The following MIER2 variants were observed in gnomAD, a reference collection of about 807,000 sequenced individuals.
MIER2 encodes the protein MIER family member 2.
Under a neutral mutation model 67.6 loss-of-function variants are expected in MIER2, and 30 were observed. That is an observed-to-expected ratio of 0.44 (90% CI 0.33 to 0.60). The LOEUF (loss-of-function observed/expected upper bound fraction) is 0.60, where lower values mean the gene tolerates loss of function less well. Among genes scored for constraint, MIER2 ranks in the 20% least tolerant of loss-of-function variants. The probability of loss-of-function intolerance (pLI) is 0.02; values close to 1 mark genes in which losing one functional copy is unlikely to be tolerated. For missense variants in MIER2, 702 were observed against 745.1 expected (o/e 0.94, Z 0.67); for synonymous variants, 372 against 312.6 (o/e 1.19, Z -2.00).
intron 4 of MIER2, 112 bp from the exon 5 acceptor site, chr19:327,368 C>T: frequency 3.8e-6 from 5 of 1,310,364 alleles, no homozygotes; most frequent in South Asian, 1.3e-5. Flanking sequence ...TCACATGGGG[C>T]TGCTATTCCC....
chr19:315,706 C>T (rs1233789899), intron 7 of MIER2, among the ~76,000 whole-genome samples: 1 of 152,190 alleles, frequency 6.6e-6, no homozygotes, highest in Non-Finnish European at 1.5e-5. Context: ...TAGGGTAGTA[C>T]AAGACAGTGA....
chr19:329,467 A>C (rs2145491949), intron 3 of MIER2, among the ~76,000 whole-genome samples: 1 of 152,302 alleles, frequency 6.6e-6, no homozygotes, highest in Admixed American at 6.5e-5. Context: ...GCTTGCACTG[A>C]TAGTGCAGCA....
In MIER2 at chr19:306,524, G is replaced by A. The variant is rs1163008475; in HGVS notation, c.*166C>T. The A allele has an allele frequency of 3.2e-6, 3 of 935,196 alleles. No individual in the cohort carries two copies. Among genetic ancestry groups the A allele is most frequent in the Middle Eastern group, 3.3e-4 (1 of 3,028 alleles). The allele number at this position is 935,196 out of a possible 1,614,324, so 57.9% of individuals were successfully genotyped here. ...CCATTCTGTGTGGACAGGGGCAAGG[G>A]CTCACGGCCCAGCCACCTCACCCCA... On this transcript the variant is annotated 3_prime_UTR_variant, in exon 14 of 14. Coordinates refer to ENST00000264819, the MANE Select transcript of MIER2 (RefSeq NM_017550.3).
chr19:337,944 T>C (rs953150019), intron 1 of MIER2, among the ~76,000 whole-genome samples: 8 of 141,428 alleles, frequency 5.7e-5, no homozygotes, highest in Non-Finnish European at 1.1e-4. Flanking sequence ...GAGGCCGAGG[T>C]GGGCAGATCA....
intron 1 of MIER2, among the ~76,000 whole-genome samples, chr19:338,501 C>G (rs146324905): frequency 1.4e-4 from 22 of 152,286 alleles, no homozygotes; most frequent in African/African-American, 4.8e-4. Flanking sequence ...GACGGCAACA[C>G]CCCCCACTGA....
chr19:318,146 G>T (rs1971340107), intron 7 of MIER2, among the ~76,000 whole-genome samples: 1 of 152,212 alleles, frequency 6.6e-6, no homozygotes, highest in South Asian at 2.1e-4. Flanking sequence ...GGAGGCTGCA[G>T]TGAGTGGATA....
At chr19:335,620 G>A (rs530732620) in intron 2 of MIER2, among the ~76,000 whole-genome samples, 43 of 152,174 alleles carry the variant, frequency 2.8e-4, no homozygotes, top group Non-Finnish European at 4.9e-4. Flanking sequence ...GCTCCTCCCC[G>A]CAGGCCCAAC....
chr19:344,190 C>T (rs1972633171), intron 1 of MIER2: 13 of 985,420 alleles, frequency 1.3e-5, no homozygotes, highest in Non-Finnish European at 1.6e-5. Flanking sequence ...CCCGGCAGAC[C>T]CACCCACCCT....
In MIER2 at chr19:307,309, G is replaced by C. The variant is rs149479560; in HGVS notation, c.1426C>G (p.Leu476Val). The change falls in exon 13 of 14, where the codon CTG becomes GTG. Residue 476 changes from leucine to valine, a missense_variant. Around this residue, in one of 3 missense-constraint regions of MIER2, gnomAD observed 254 missense variants for 262.8 expected, o/e 0.97. Coordinates refer to ENST00000264819, the MANE Select transcript of MIER2 (RefSeq NM_017550.3). ...ASPRLAVDFA[L>V]PKELPLISSH... is the part of the protein sequence containing the mutation. ...GAGATGAGGGGCAGCTCCTTGGGCAGGGCGAAGTCCACGGCCAGCCTTGGG... is the reference window on the plus strand; with the variant it reads ...GAGATGAGGGGCAGCTCCTTGGGCACGGCGAAGTCCACGGCCAGCCTTGGG... The C allele has an allele frequency of 6.2e-7, 1 of 1,600,500 alleles. No homozygotes were observed. The highest frequency in any genetic ancestry group is 8.5e-7 in the Non-Finnish European group (1 of 1,174,306).
chr19:322,210 A>C (rs2145436893), intron 7 of MIER2, among the ~76,000 whole-genome samples: 1 of 152,258 alleles, frequency 6.6e-6, no homozygotes, highest in African/African-American at 2.4e-5. Context: ...CAGCCACCAT[A>C]CACCAAAATG....
intron 7 of MIER2, among the ~76,000 whole-genome samples, chr19:314,101 C>T (rs549475426): frequency 9.2e-4 from 140 of 152,296 alleles, no homozygotes; most frequent in Non-Finnish European, 1.2e-3. Flanking sequence ...GCAGCAAGGA[C>T]GCCCCCGACT....
rs1286057186 is a variant in MIER2 at position 308,704 on chromosome 19, C to G, written c.1110-39G>C. On this transcript the variant is annotated intron_variant, in intron 11 of 13. Coordinates refer to ENST00000264819, the MANE Select transcript of MIER2 (RefSeq NM_017550.3). This position sits in a 1 kb window ranked among gnomAD's most constrained non-coding sequence, Gnocchi z 9.1. ...GCGCCATGAGGGGCGGCAGACAGGA[C>G]AGACGCCCCCACCCAAGAGGTGCCG... The G allele has an allele frequency of 6.3e-7, 1 of 1,595,502 alleles. No homozygotes were observed. Among genetic ancestry groups the G allele is most frequent in the East Asian group, 2.3e-5 (1 of 44,244 alleles).
At chr19:344,303 GT>G in intron 1 of MIER2, 1 of 984,892 alleles carries the variant, frequency 1.0e-6, no homozygotes, top group Non-Finnish European at 1.2e-6. Context: ...GGCGCGGTGG[GT>G]CCACCGGGAT....
chr19:336,063 G>A lies in MIER2; in HGVS notation c.100+20C>T. On this transcript the variant is annotated intron_variant, in intron 2 of 13. Transcript: ENST00000264819. ...AAAGGCCTTGGCGGACCTGAGCAGG[G>A]GAAGGAGGGAGGAAGGTACCTGCTG... 5 of 1,610,968 alleles carry A rather than the reference G, an allele frequency of 3.1e-6. No homozygotes were observed. The highest frequency in any genetic ancestry group is 4.2e-6 in the Non-Finnish European group (5 of 1,177,580).
Position 336,158 on chromosome 19 carries a change from T to G in MIER2, c.25A>C (p.Arg9=). The G allele has an allele frequency of 6.2e-7, 1 of 1,612,840 alleles. No homozygotes were observed. The highest frequency in any genetic ancestry group is 1.3e-5 in the African/African-American group (1 of 75,014). Residue 9 remains arginine, a synonymous_variant, in exon 2 of 14, where the codon AGG becomes CGG. Coordinates refer to ENST00000264819, the MANE Select transcript of MIER2 (RefSeq NM_017550.3). ...CAGGAGACCACGCGAGGACTCTGCC[T>G]CCCCAGCGAGGAGGCCTGCGAAGGA... MAEASSLG[R]QSPRVVSCLE...
chr19:317,963 G>A (rs1246150879), intron 7 of MIER2, among the ~76,000 whole-genome samples: 1 of 152,168 alleles, frequency 6.6e-6, no homozygotes, highest in Non-Finnish European at 1.5e-5. Context: ...CAGCACATTG[G>A]GAGGCCGAAG....
chr19:308,779 T>C lies in MIER2; in HGVS notation c.1109+22A>G. 1.3e-6 allele frequency: 2 copies of C among 1,596,918 alleles called. No individual in the cohort carries two copies. Among genetic ancestry groups the C allele is most frequent in the Non-Finnish European group, 1.7e-6 (2 of 1,166,932 alleles). ...CGGCGGGGTGGCCGCCTGTCGTTAC[T>C]GCTGGGGAGGGCTGCACGCACGTGG... On this transcript the variant is annotated intron_variant, in intron 11 of 13. Transcript: ENST00000264819. The surrounding 1 kb of genome is among the most constrained non-coding windows in gnomAD (Gnocchi z 9.1).
At chr19:317,313 G>T (rs187699989) in intron 7 of MIER2, among the ~76,000 whole-genome samples, 42 of 152,020 alleles carry the variant, frequency 2.8e-4, no homozygotes, top group African/African-American at 8.4e-4. Flanking sequence ...GGATCACGAG[G>T]TCAGGAGATC....
Position 306,724 on chromosome 19 carries a change from G to C in MIER2, c.1617-13C>G, listed in dbSNP as rs1970668287. ...CATCACGTTACAGCTGCAGGGGAGA[G>C]ACCAAGAGAGACGCAGAGAGTGTCA... On this transcript the variant is annotated splice_polypyrimidine_tract_variant and intron_variant, in intron 13 of 13. Transcript: ENST00000264819. 4 of 1,558,854 alleles carry C rather than the reference G, an allele frequency of 2.6e-6. No individual in the cohort carries two copies. The African/African-American group carries it at 4.1e-5, about 16-fold the overall frequency.
Sources: allele counts gnomAD v4.1 joint callset (sites outside exome capture counted in the v4.1 genomes callset), GRCh38; gene constraint gnomAD v4.1.1; regional missense constraint gnomAD v4.1.1; non-coding constraint Gnocchi (gnomAD v3.1); transcripts MANE v1.5; gene names NCBI Gene and HGNC (gene_info 2026-07-23, HGNC 2026-07-21).